The following PATJ variants were observed in gnomAD, a reference collection of about 807,000 sequenced individuals.
The protein encoded by PATJ is PATJ crumbs cell polarity complex component.
PATJ carries 190 observed loss-of-function variants against 224.9 expected under a neutral mutation model. The ratio of observed to expected loss-of-function variants is 0.84; its 90% CI spans 0.75 to 0.95. The LOEUF is 0.95. PATJ is among the 40% of genes least tolerant of loss of function. PATJ has a pLI of 0.00. For synonymous variants in PATJ, 769 were observed against 820.3 expected (o/e 0.94, Z 1.07); for missense variants, 2,121 against 2,270.3 (o/e 0.93, Z 1.34).
At chr1:62,160,866 G>C (rs1298110156) in intron 43 of PATJ, 42 bp from the exon 44 acceptor site, 2 of 1,604,718 alleles carry the variant, frequency 1.2e-6, no homozygotes, top group Non-Finnish European at 1.7e-6. Context: ...AATATAAACT[G>C]TGTTTTACCC....
At chr1:61,800,230 G>A (rs1043939707) in intron 11 of PATJ, among the ~76,000 whole-genome samples, 2 of 152,166 alleles carry the variant, frequency 1.3e-5, no homozygotes, top group Non-Finnish European at 2.9e-5. Flanking sequence ...GTGTATAAGT[G>A]TTCTCTTTTC....
chr1:61,945,202 A>G (rs1296681330), intron 27 of PATJ, among the ~76,000 whole-genome samples: 2 of 152,226 alleles, frequency 1.3e-5, no homozygotes, highest in Admixed American at 6.5e-5. Context: ...CATCATAATG[A>G]CAGGATCAAA....
At chr1:62,145,959 AAAATAAATAAAC>A (rs1472619225) in intron 41 of PATJ, among the ~76,000 whole-genome samples, 2 of 152,164 alleles carry the variant, frequency 1.3e-5, no homozygotes, top group Non-Finnish European at 2.9e-5. Context: ...CTCTGTCTCA[AAAATAAATAAAC>A]AAATAAATAA....
intron 20 of PATJ, among the ~76,000 whole-genome samples, chr1:61,867,095 T>A (rs1045949192): frequency 6.6e-5 from 10 of 152,208 alleles, no homozygotes; most frequent in South Asian, 4.1e-4. Context: ...TTATGACCTG[T>A]ATCTTGTGCC....
At chr1:61,759,688 G>A (rs1039785981) in intron 1 of PATJ, among the ~76,000 whole-genome samples, 8 of 152,200 alleles carry the variant, frequency 5.3e-5, no homozygotes, top group Non-Finnish European at 7.3e-5. Context: ...GATTACTGGC[G>A]TGAGCCACAG....
At position 62,114,138 on chromosome 1, in the gene PATJ, T is replaced by C; in HGVS notation, c.4547T>C (p.Val1516Ala). ...ACCCCCCAGAAGGTGCGGCTGGTGG[T>C]GTATAGAGATGAGGCACACTACCGG... is the stretch of plus-strand genomic sequence containing the variant. ...RQTPQKVRLV[V>A]YRDEAHYRDE... The change falls in exon 35 of 44, where the codon GTG becomes GCG. Residue 1516 changes from valine (V) to alanine (A), a missense_variant. Transcript: ENST00000642238. 6.2e-7 allele frequency: 1 copy of C among 1,613,444 alleles called. No homozygotes were observed. Among genetic ancestry groups the C allele is most frequent in the Middle Eastern group, 1.6e-4 (1 of 6,062 alleles).
chr1:61,907,430 A>T (rs546964772), intron 24 of PATJ, among the ~76,000 whole-genome samples: 1 of 152,288 alleles, frequency 6.6e-6, no homozygotes, highest in Non-Finnish European at 1.5e-5. Context: ...TTGTGCTTCT[A>T]TCCAAAGCCA....
At chr1:61,763,412 G>A (rs1323357609) in intron 3 of PATJ, among the ~76,000 whole-genome samples, 2 of 151,764 alleles carry the variant, frequency 1.3e-5, no homozygotes, top group African/African-American at 4.8e-5. Flanking sequence ...TGTACCGGTA[G>A]TCCCAGCAAC....
chr1:61,993,143 C>T (rs560195597), intron 28 of PATJ, among the ~76,000 whole-genome samples: 1 of 152,208 alleles, frequency 6.6e-6, no homozygotes, highest in African/African-American at 2.4e-5. Flanking sequence ...TCTGACCAAC[C>T]AGCTCTTAAT....
intron 31 of PATJ, among the ~76,000 whole-genome samples, chr1:62,059,033 G>GT (rs1654992554): frequency 6.6e-6 from 1 of 152,150 alleles, no homozygotes; most frequent in Non-Finnish European, 1.5e-5. Context: ...TGTACTCCGA[G>GT]TTTATCTCAG....
intron 3 of PATJ, among the ~76,000 whole-genome samples, chr1:61,765,577 G>A (rs573877624): frequency 1.3e-5 from 2 of 152,140 alleles, no homozygotes; most frequent in Admixed American, 1.3e-4. Flanking sequence ...TAGCGATGGG[G>A]TTTCACCACT....
intron 6 of PATJ, among the ~76,000 whole-genome samples, chr1:61,772,177 A>T (rs1646658833): frequency 7.0e-6 from 1 of 142,344 alleles, no homozygotes; most frequent in African/African-American, 2.5e-5. Context: ...TATGGAGGCC[A>T]AATTGAAGTA....
chr1:61,801,606 A>T lies in PATJ; in HGVS notation c.1403-17A>T, dbSNP rs375676421. ...AGCATTAACAAAATTTTAAAAAATTATTTTTTTTTGTTTTAGGAACTGTTG... is the reference window on the plus strand; with the variant it reads ...AGCATTAACAAAATTTTAAAAAATTTTTTTTTTTTGTTTTAGGAACTGTTG... On this transcript the variant is annotated splice_polypyrimidine_tract_variant and intron_variant, in intron 11 of 43. Coordinates refer to ENST00000642238, the MANE Select transcript of PATJ (RefSeq NM_001350145.3). 4,062 of 1,423,078 alleles carry T rather than the reference A, an allele frequency of 2.9e-3. 5 individuals carry two copies. Among genetic ancestry groups the T allele is most frequent in the Non-Finnish European group, 3.5e-3 (3,726 of 1,071,700 alleles). The allele number at this position is 1,423,078 out of a possible 1,614,324, so 88.2% of individuals were successfully genotyped here. A position where few individuals can be genotyped will look rare whatever the true frequency, so the allele number is the denominator to read the frequency against.
intron 20 of PATJ, among the ~76,000 whole-genome samples, chr1:61,873,559 T>C (rs1666943989): frequency 6.6e-6 from 1 of 152,230 alleles, no homozygotes; most frequent in Admixed American, 6.5e-5. Context: ...CAAGATACCA[T>C]TAACTGGGTA....
intron 39 of PATJ, among the ~76,000 whole-genome samples, chr1:62,126,678 A>T (rs1481517236): frequency 6.6e-6 from 1 of 152,188 alleles, no homozygotes; most frequent in Non-Finnish European, 1.5e-5. Context: ...GTCCTCTCAG[A>T]TCCTTTGTTT....
intron 28 of PATJ, among the ~76,000 whole-genome samples, chr1:61,993,386 C>G (rs898490083): frequency 1.3e-5 from 2 of 152,156 alleles, no homozygotes; most frequent in Non-Finnish European, 2.9e-5. Flanking sequence ...GTTCAGCAAG[C>G]CAAGAGCTCT....
rs193225685 is a variant in PATJ at position 62,161,399 on chromosome 1, C to T, written c.*345C>T. ...TGTCACCCAGGCTGGAGTGCAATGG[C>T]GCAATCTTGGCTCACTGCAACCTCG... On this transcript the variant is annotated 3_prime_UTR_variant, in exon 44 of 44. Transcript: ENST00000642238. 38 of 152,378 alleles carry T rather than the reference C, an allele frequency of 2.5e-4. No homozygotes were observed. The highest frequency in any genetic ancestry group is 1.9e-3 in the Admixed American group (20 of 10,552). The allele number at this position is 152,378 out of a possible 1,614,324, so 9.4% of individuals were successfully genotyped here.
At chr1:61,918,507 T>C (rs1673790639) in intron 26 of PATJ, among the ~76,000 whole-genome samples, 1 of 151,952 alleles carries the variant, frequency 6.6e-6, no homozygotes. Context: ...AGATGGGTCT[T>C]ACCGTGTTGC....
At chr1:61,817,151 C>A (rs748809601) in intron 14 of PATJ, among the ~76,000 whole-genome samples, 1 of 152,050 alleles carries the variant, frequency 6.6e-6, no homozygotes, top group Non-Finnish European at 1.5e-5. Context: ...AAGGCACTAC[C>A]GTGAACATAG....
Sources: gnomAD v4.1 joint callset for allele counts (sites outside exome capture counted in the v4.1 genomes callset) on GRCh38, gnomAD v4.1.1 for gene constraint, MANE v1.5 for transcripts, NCBI Gene and HGNC (gene_info 2026-07-23, HGNC 2026-07-21) for gene names.